The following TLK1 variants were observed in gnomAD, a reference collection of about 807,000 sequenced individuals.
The protein encoded by TLK1 is tousled like kinase 1, also known as serine/threonine-protein kinase tousled-like 1.
In TLK1, 24 loss-of-function variants were observed where a neutral mutation model predicts 105.3. The observed-to-expected ratio is 0.23, with a 90% CI of 0.17 to 0.32. The LOEUF is 0.32. TLK1 is among the 10% of genes least tolerant of loss of function. The probability of loss-of-function intolerance (pLI) is 1.00; values close to 1 mark genes in which losing one functional copy is unlikely to be tolerated. For synonymous variants in TLK1, 321 were observed against 310.4 expected, an observed-to-expected ratio of 1.03 and a Z score of -0.36; for missense variants, 558 against 910.5, an observed-to-expected ratio of 0.61 and a Z score of 4.98.
intron 11 of TLK1, among the ~76,000 whole-genome samples, chr2:171,030,799 CAGCTAAAAT>C (rs1187287702): frequency 6.6e-6 from 1 of 152,066 alleles, no homozygotes; most frequent in Non-Finnish European, 1.5e-5. Flanking sequence ...AATTACAAAA[CAGCTAAAAT>C]TTGGCATATC....
At chr2:171,031,018 T>A (rs76669406) in intron 11 of TLK1, among the ~76,000 whole-genome samples, 65 of 145,578 alleles carry the variant, frequency 4.5e-4, no homozygotes, top group Non-Finnish European at 5.0e-4. Flanking sequence ...TTTACAATCA[T>A]AAAAAAAAAA....
At chr2:171,070,579 C>T (rs1688205620) in intron 3 of TLK1, among the ~76,000 whole-genome samples, 1 of 152,178 alleles carries the variant, frequency 6.6e-6, no homozygotes, top group African/African-American at 2.4e-5. Context: ...CCTCCAGTTC[C>T]ATCCATGTTG....
Position 171,006,903 on chromosome 2 carries a change from G to A in TLK1, c.1509-14C>T. The A allele has an allele frequency of 2.5e-6, 4 of 1,610,204 alleles. No homozygotes were observed. Among genetic ancestry groups the A allele is most frequent in the Non-Finnish European group, 3.4e-6 (4 of 1,177,378 alleles). ...CTGCAGGCATGTCTATGAGAAGACA[G>A]TGTATTAATTCTCCATGATCATTCA... On this transcript the variant is annotated splice_polypyrimidine_tract_variant and intron_variant, in intron 15 of 20. Transcript: ENST00000431350.
chr2:171,136,300 T>C (rs547813731), intron 1 of TLK1, among the ~76,000 whole-genome samples: 4 of 152,324 alleles, frequency 2.6e-5, no homozygotes, highest in Non-Finnish European at 5.9e-5. Flanking sequence ...AGAATAGTGG[T>C]TGCTGGGGCC....
chr2:171,177,022 G>A (rs148781577), intron 1 of TLK1, among the ~76,000 whole-genome samples: 5,595 of 152,128 alleles, frequency 0.037, 340 homozygotes, highest in African/African-American at 0.13. Flanking sequence ...TGGTAGAGAT[G>A]GGGTTTTGCC....
At position 171,046,292 on chromosome 2, in the gene TLK1, G is replaced by A; in HGVS notation, c.1051C>T (p.Pro351Ser). The stretch of plus-strand genomic sequence containing the variant: ...GCCTGAGAATTATTAGCTGTGGGAG[G>A]TTTGCGTTTGGCTAGAAGTTTCCTT... ...RQRKLLAKRK[P>S]PTANNSQAPS... Residue 351 changes from proline (P) to serine (S), a missense_variant, in exon 11 of 21, where the codon CCT (proline) becomes TCT (serine). Physicochemically the swap from Pro to Ser is moderately conservative, Grantham distance 74. This residue lies in a region of TLK1 where 218 missense variants were observed against 492.9 expected (regional missense o/e 0.44). Coordinates refer to ENST00000431350, the MANE Select transcript of TLK1 (RefSeq NM_012290.5). 2 of 1,613,500 alleles carry A rather than the reference G, an allele frequency of 1.2e-6. No homozygotes were observed. Among genetic ancestry groups the A allele is most frequent in the Non-Finnish European group, 1.7e-6 (2 of 1,179,678 alleles).
intron 1 of TLK1, among the ~76,000 whole-genome samples, chr2:171,141,288 G>A (rs1470140895): frequency 1.3e-5 from 2 of 152,182 alleles, no homozygotes; most frequent in Non-Finnish European, 2.9e-5. Flanking sequence ...TGATGGAAAT[G>A]TTCTCCATCT....
rs532685180 is a variant in TLK1 at position 171,192,799 on chromosome 2, A to G, written c.-6+38346T>C. On this transcript the variant is annotated intron_variant, in intron 1 of 20. Coordinates refer to the TLK1 transcript ENST00000521943. ...TAGAGATAGTTTAAGAGTTGTGGCC[A>G]TCTGTACATGCTTCAAATTCCAACA... Among the ~76,000 whole-genome samples the G allele has an allele frequency of 7.7e-4, 117 of 152,378 alleles. 2 individuals are homozygous for G. The highest frequency in any genetic ancestry group is 2.7e-3 in the African/African-American group (112 of 41,584).
At chr2:171,115,794 A>C (rs1690399065) in intron 2 of TLK1, among the ~76,000 whole-genome samples, 1 of 152,226 alleles carries the variant, frequency 6.6e-6, no homozygotes, top group Non-Finnish European at 1.5e-5. Context: ...GAAAAAAAGA[A>C]AACACAGTAA....
chr2:171,015,150 C>T (rs557023456), intron 12 of TLK1, among the ~76,000 whole-genome samples: 53 of 152,144 alleles, frequency 3.5e-4, no homozygotes, highest in Middle Eastern at 3.4e-3. Flanking sequence ...AGAAACCATC[C>T]TCCACATGAA....
chr2:171,059,954 C>T, intron 4 of TLK1: 3 of 1,598,826 alleles, frequency 1.9e-6, no homozygotes, highest in Non-Finnish European at 2.6e-6. Context: ...TCCCAATAGG[C>T]CAAGGACTGG....
chr2:170,998,046 TTATCTATCTATCTATCTATC>T (rs869267964), intron 18 of TLK1, among the ~76,000 whole-genome samples: 1 of 147,536 alleles, frequency 6.8e-6, no homozygotes, highest in African/African-American at 2.5e-5. Context: ...CTATCTATCT[TTATCTATCTATCTATCTATC>T]TATCTATCTA....
intron 1 of TLK1, among the ~76,000 whole-genome samples, chr2:171,218,083 C>T (rs1277213068): frequency 6.6e-6 from 1 of 152,080 alleles, no homozygotes; most frequent in Non-Finnish European, 1.5e-5. Context: ...GAAACCCTGT[C>T]TATACTAAAA....
chr2:171,095,301 GA>G (rs1169511068), intron 2 of TLK1, among the ~76,000 whole-genome samples: 1 of 149,812 alleles, frequency 6.7e-6, no homozygotes, highest in East Asian at 2.0e-4. Context: ...ATAGAGAATA[GA>G]AAAACAATAG....
At chr2:171,018,483 G>C (rs530043526) in intron 12 of TLK1, among the ~76,000 whole-genome samples, 1 of 152,336 alleles carries the variant, frequency 6.6e-6, no homozygotes, top group African/African-American at 2.4e-5. Context: ...CTTTGCTACA[G>C]ATCATTTCCA....
chr2:171,116,745 GT>G (rs1360115014), intron 2 of TLK1, among the ~76,000 whole-genome samples: 1 of 151,466 alleles, frequency 6.6e-6, no homozygotes, highest in Non-Finnish European at 1.5e-5. Flanking sequence ...GATGGTACAA[GT>G]AAAACAAGAA....
At chr2:171,131,078 T>C (rs993647435) in intron 1 of TLK1, among the ~76,000 whole-genome samples, 3 of 151,900 alleles carry the variant, frequency 2.0e-5, no homozygotes, top group South Asian at 2.1e-4. Context: ...TGTATCTATA[T>C]ATATAGATAG....
At chr2:171,196,678 A>T (rs1048283104) in intron 1 of TLK1, among the ~76,000 whole-genome samples, 2 of 152,172 alleles carry the variant, frequency 1.3e-5, no homozygotes. Flanking sequence ...ATGGGCTCTA[A>T]AAACTAAGCA....
chr2:171,077,851 T>C (rs954291652), intron 3 of TLK1, among the ~76,000 whole-genome samples: 2 of 152,202 alleles, frequency 1.3e-5, no homozygotes, highest in Non-Finnish European at 2.9e-5. Context: ...TTCTGGAAAT[T>C]TTCATTGTGA....
Sources: allele counts gnomAD v4.1 joint callset (sites outside exome capture counted in the v4.1 genomes callset), GRCh38; gene constraint gnomAD v4.1.1; regional missense constraint gnomAD v4.1.1; transcripts MANE v1.5; gene names NCBI Gene and HGNC (gene_info 2026-07-23, HGNC 2026-07-21).